Variants in DTNB observed in about 807,000 individuals in gnomAD.
The protein encoded by DTNB is dystrobrevin beta.
A neutral mutation model predicts 90.7 loss-of-function variants in DTNB; 63 were observed. That is an observed-to-expected ratio of 0.69 (90% CI 0.57 to 0.86). DTNB has a LOEUF of 0.86. DTNB is among the 40% of genes least tolerant of loss of function. The pLI, the probability that DTNB is intolerant of heterozygous loss-of-function variation, is 0.00. For synonymous variants in DTNB, 277 were observed against 286.7 expected (o/e 0.97, Z 0.34); for missense variants, 744 against 807.1 (o/e 0.92, Z 0.95).
At chr2:25,583,462 A>G (rs1559121814) in intron 6 of DTNB, among the ~76,000 whole-genome samples, 1 of 151,692 alleles carries the variant, frequency 6.6e-6, no homozygotes, top group Non-Finnish European at 1.5e-5. Context: ...TAATTCTAAT[A>G]CTACTTTCTC....
chr2:25,638,931 C>T (rs2077641652), intron 3 of DTNB, 83 bp downstream of exon 3: 3 of 1,310,394 alleles, frequency 2.3e-6, no homozygotes, highest in Non-Finnish European at 3.1e-6. Flanking sequence ...ATTAACATTA[C>T]AATACAACTA....
chr2:25,428,661 G>A (rs149579792), intron 14 of DTNB, among the ~76,000 whole-genome samples: 1,637 of 152,174 alleles, frequency 0.011, 41 homozygotes, highest in African/African-American at 0.037. Flanking sequence ...TCGAACTCCT[G>A]ACCTCAAGTG....
rs1354438628 is a variant in DTNB at position 25,607,250 on chromosome 2, A to G, written c.434T>C (p.Leu145Pro). ...MLATMCGGKM[L>P]DKLRYVFSQM... ...AAAATACTTACATCTCAATTTGTCCAGCATTTTTCCACCACACATGGTTGC... is the reference window on the plus strand; with the variant it reads ...AAAATACTTACATCTCAATTTGTCCGGCATTTTTCCACCACACATGGTTGC... Residue 145 changes from leucine (L) to proline (P), a missense_variant, in exon 5 of 21, where the codon CTG becomes CCG. Transcript: ENST00000406818. The G allele has an allele frequency of 1.2e-6, 2 of 1,604,020 alleles. No homozygotes were observed. The highest frequency in any genetic ancestry group is 1.1e-5 in the South Asian group (1 of 88,730).
At chr2:25,668,028 A>G (rs2084907908) in intron 1 of DTNB, among the ~76,000 whole-genome samples, 1 of 152,194 alleles carries the variant, frequency 6.6e-6, no homozygotes, top group African/African-American at 2.4e-5. Context: ...TCATGAGGTC[A>G]GGAGATCGAG....
At chr2:25,641,427 T>C (rs977239558) in intron 2 of DTNB, among the ~76,000 whole-genome samples, 5 of 152,190 alleles carry the variant, frequency 3.3e-5, no homozygotes, top group African/African-American at 1.2e-4. Context: ...AAAGTCCTCA[T>C]CCATTACCTC....
At position 25,532,202 on chromosome 2, in the gene DTNB, G is replaced by A. The variant is rs145789619; in HGVS notation, c.877-605C>T. 2.2e-3 allele frequency among the ~76,000 whole-genome samples: 313 copies of A among 140,624 alleles called. 2 individuals are homozygous for A. Among genetic ancestry groups the A allele is most frequent in the African/African-American group, 8.0e-3 (295 of 36,840 alleles). The allele number at this position is 140,624 out of a possible 152,430, so 92.3% of individuals were successfully genotyped here. On this transcript the variant is annotated intron_variant, in intron 8 of 20. Transcript: ENST00000406818. ...GGAGGTTGCAGTGAGCCAAGATCAC[G>A]CCATTGCACTTCAGCCTAGGCAACA...
intron 9 of DTNB, among the ~76,000 whole-genome samples, chr2:25,510,226 AT>A (rs555031042): frequency 8.7e-4 from 126 of 145,062 alleles, no homozygotes; most frequent in South Asian, 6.1e-3. Context: ...TGAGGTTTCT[AT>A]TTTTTTTTTA....
chr2:25,644,038 C>T (rs955782504), intron 2 of DTNB, among the ~76,000 whole-genome samples: 3 of 152,162 alleles, frequency 2.0e-5, no homozygotes, highest in Non-Finnish European at 4.4e-5. Flanking sequence ...GATGCCATGA[C>T]AACATCAGGA....
chr2:25,409,334 C>T (rs1279281093), intron 16 of DTNB, among the ~76,000 whole-genome samples: 2 of 152,072 alleles, frequency 1.3e-5, no homozygotes, highest in African/African-American at 4.8e-5. Context: ...CTCCAGAGTA[C>T]CAACTGGTAC....
intron 10 of DTNB, among the ~76,000 whole-genome samples, chr2:25,469,946 G>A (rs1258063045): frequency 6.6e-6 from 1 of 152,166 alleles, no homozygotes; most frequent in Non-Finnish European, 1.5e-5. Flanking sequence ...AAGGCTAGGA[G>A]AAGAAACGAC....
Position 25,454,075 on chromosome 2 carries a change from G to A in DTNB, c.1169+1330C>T, listed in dbSNP as rs570186556. Among the ~76,000 whole-genome samples the A allele has an allele frequency of 2.4e-4, 36 of 151,962 alleles. 1 individual carries two copies. The highest frequency in any genetic ancestry group is 7.2e-4 in the Admixed American group (11 of 15,264). ...TGAGGCAGGAGAATGGCATGAAGCC[G>A]GGAGGCAGAGCTTGCAGTGAGCTGA... On this transcript the variant is annotated intron_variant, in intron 11 of 20. Coordinates refer to ENST00000406818, the MANE Select transcript of DTNB (RefSeq NM_021907.5).
Position 25,596,165 on chromosome 2 carries a change from A to G in DTNB, c.524T>C (p.Leu175Pro). 1.2e-6 allele frequency: 2 copies of G among 1,613,720 alleles called. No individual in the cohort carries two copies. The highest frequency in any genetic ancestry group is 1.7e-6 in the Non-Finnish European group (2 of 1,179,738). ...TTCAAAGACAGCTGTTGGGAGCTTCAGAACTTCCTTCAGAAACTGGTCAAA... is the reference window on the plus strand; with the variant it reads ...TTCAAAGACAGCTGTTGGGAGCTTCGGAACTTCCTTCAGAAACTGGTCAAA... Reference protein sequence around the residue: ...SKFDQFLKEVLKLPTAVFEGP... With the variant: ...SKFDQFLKEVPKLPTAVFEGP... The change falls in exon 6 of 21, where the codon CTG becomes CCG. Residue 175 changes from leucine to proline, a missense_variant. Leu to Pro is a moderately conservative substitution (Grantham distance 98). Transcript: ENST00000406818.
chr2:25,388,888 C>A (rs1311791828), intron 16 of DTNB, among the ~76,000 whole-genome samples: 1 of 151,672 alleles, frequency 6.6e-6, no homozygotes, highest in African/African-American at 2.4e-5. Context: ...TGCTTTGTTG[C>A]CCAGGTGGAG....
chr2:25,459,785 C>T (rs2060641537), intron 10 of DTNB, among the ~76,000 whole-genome samples: 1 of 152,060 alleles, frequency 6.6e-6, no homozygotes, highest in African/African-American at 2.4e-5. Flanking sequence ...TGAATCACCG[C>T]ACCCGGCCCT....
intron 8 of DTNB, among the ~76,000 whole-genome samples, chr2:25,554,330 G>A (rs2056908365): frequency 6.6e-6 from 1 of 151,910 alleles, no homozygotes; most frequent in South Asian, 2.1e-4. Context: ...ATCATGGACA[G>A]AATTTATTTT....
chr2:25,403,820 T>C (rs887696849), intron 16 of DTNB, among the ~76,000 whole-genome samples: 1 of 152,188 alleles, frequency 6.6e-6, no homozygotes, highest in African/African-American at 2.4e-5. Context: ...TTTTTTGAGA[T>C]AGGGTCTTGC....
intron 7 of DTNB, among the ~76,000 whole-genome samples, chr2:25,579,609 A>G (rs1483710903): frequency 1.3e-5 from 2 of 152,172 alleles, no homozygotes. Context: ...GAAGTCACTA[A>G]GAGATAAGTA....
At chr2:25,405,708 C>T (rs116015007) in intron 16 of DTNB, among the ~76,000 whole-genome samples, 5 of 151,640 alleles carry the variant, frequency 3.3e-5, no homozygotes, top group Non-Finnish European at 7.4e-5. Flanking sequence ...TCTGGTTTGG[C>T]CTGGAAAGCC....
chr2:25,493,662 C>T (rs986307828), intron 9 of DTNB, among the ~76,000 whole-genome samples: 2 of 152,148 alleles, frequency 1.3e-5, no homozygotes, highest in Non-Finnish European at 2.9e-5. Context: ...CTCTAGAAAA[C>T]CTTTCTAGTT....
Sources: gnomAD v4.1 joint callset for allele counts (sites outside exome capture counted in the v4.1 genomes callset) on GRCh38, gnomAD v4.1.1 for gene constraint, MANE v1.5 for transcripts, NCBI Gene and HGNC (gene_info 2026-07-23, HGNC 2026-07-21) for gene names.